Variants in ADK observed in about 807,000 individuals in gnomAD.
ADK encodes the protein N6,N6-dimethyladenosine kinase.
In ADK, 24 loss-of-function variants were observed where a neutral mutation model predicts 44.7. That is an observed-to-expected ratio of 0.54 (90% CI 0.39 to 0.76). ADK has a LOEUF of 0.76. Among genes scored for constraint, ADK ranks in the 30% least tolerant of loss-of-function variants. The pLI is 0.00. For synonymous variants in ADK, 128 were observed against 142.6 expected, an observed-to-expected ratio of 0.90 and a Z score of 0.73; for missense variants, 321 against 425.1, an observed-to-expected ratio of 0.76 and a Z score of 2.15.
intron 4 of ADK, among the ~76,000 whole-genome samples, chr10:74,347,930 A>G (rs1841832935): frequency 6.6e-6 from 1 of 152,146 alleles, no homozygotes; most frequent in South Asian, 2.1e-4. Context: ...GGGCTTATGG[A>G]TAAAACTCCC....
At chr10:74,596,784 C>T (rs1375911838) in intron 8 of ADK, among the ~76,000 whole-genome samples, 1 of 152,138 alleles carries the variant, frequency 6.6e-6, no homozygotes, top group Non-Finnish European at 1.5e-5. Flanking sequence ...TAGGCTCAAG[C>T]GATTCACCCG....
chr10:74,359,015 A>C (rs1410854844), intron 4 of ADK, among the ~76,000 whole-genome samples: 1 of 152,084 alleles, frequency 6.6e-6, no homozygotes, highest in Non-Finnish European at 1.5e-5. Flanking sequence ...AGCTCACTGT[A>C]ACCTTGACTC....
At chr10:74,622,427 TAAAAAAAA>T (rs906694874) in intron 9 of ADK, among the ~76,000 whole-genome samples, 1 of 149,122 alleles carries the variant, frequency 6.7e-6, no homozygotes, top group African/African-American at 2.5e-5. Flanking sequence ...CTTCTTTATT[TAAAAAAAA>T]AAATTAAGCT....
At chr10:74,579,177 T>G (rs908720258) in intron 7 of ADK, among the ~76,000 whole-genome samples, 1 of 150,664 alleles carries the variant, frequency 6.6e-6, no homozygotes, top group South Asian at 2.1e-4. Flanking sequence ...GAGGTTGCAG[T>G]GAGCTGAGAT....
At chr10:74,258,528 A>G (rs1845912377) in intron 3 of ADK, among the ~76,000 whole-genome samples, 1 of 152,158 alleles carries the variant, frequency 6.6e-6, no homozygotes, top group South Asian at 2.1e-4. Flanking sequence ...ATTATACACT[A>G]ATCAATTATA....
At chr10:74,605,190 C>A (rs1852274654) in intron 9 of ADK, among the ~76,000 whole-genome samples, 1 of 152,184 alleles carries the variant, frequency 6.6e-6, no homozygotes, top group South Asian at 2.1e-4. Context: ...CATCTGCAGA[C>A]AGAGACAATT....
chr10:74,479,174 T>C (rs1374027848), intron 6 of ADK, among the ~76,000 whole-genome samples: 1 of 151,914 alleles, frequency 6.6e-6, no homozygotes, highest in Non-Finnish European at 1.5e-5. Flanking sequence ...AGTTTTTGTA[T>C]TTTTTGTAAA....
At chr10:74,257,323 A>T in intron 3 of ADK, among the ~76,000 whole-genome samples, 1 of 152,196 alleles carries the variant, frequency 6.6e-6, no homozygotes, top group East Asian at 1.9e-4. Context: ...GAAAAATTTC[A>T]GCCTGTAGGT....
intron 7 of ADK, among the ~76,000 whole-genome samples, chr10:74,559,364 G>A (rs1281366601): frequency 6.6e-6 from 1 of 152,200 alleles, no homozygotes; most frequent in East Asian, 1.9e-4. Context: ...AAAATAGCTA[G>A]ATCTCTTTTC....
intron 9 of ADK, among the ~76,000 whole-genome samples, chr10:74,631,236 G>A (rs894255443): frequency 1.3e-5 from 2 of 149,320 alleles, no homozygotes; most frequent in African/African-American, 4.9e-5. Context: ...CTGTGTGCGT[G>A]TGTGTGTGTG....
At chr10:74,210,259 C>T (rs748384788) in intron 2 of ADK, among the ~76,000 whole-genome samples, 3 of 137,792 alleles carry the variant, frequency 2.2e-5, no homozygotes, top group East Asian at 2.2e-4. Context: ...AACCCAGGAG[C>T]GGAGGTTGCA....
chr10:74,492,736 A>G (rs1847532829), intron 6 of ADK, among the ~76,000 whole-genome samples: 2 of 152,048 alleles, frequency 1.3e-5, no homozygotes, highest in African/African-American at 2.4e-5. Context: ...TTATGATTAG[A>G]TTTAGGTTAT....
chr10:74,559,155 A>G (rs1850368312), intron 7 of ADK, among the ~76,000 whole-genome samples: 1 of 152,148 alleles, frequency 6.6e-6, no homozygotes, highest in South Asian at 2.1e-4. Context: ...TGCAGTTGCC[A>G]CCCTGCTGTG....
At chr10:74,474,515 C>T (rs561693956) in intron 6 of ADK, among the ~76,000 whole-genome samples, 66 of 150,154 alleles carry the variant, frequency 4.4e-4, no homozygotes, top group Non-Finnish European at 7.4e-4. Context: ...CCTTCCCTTC[C>T]CTTCCCTTTC....
intron 5 of ADK, among the ~76,000 whole-genome samples, chr10:74,396,106 T>C (rs148411353): frequency 6.6e-6 from 1 of 152,232 alleles, no homozygotes; most frequent in African/African-American, 2.4e-5. Context: ...TATAGTGATA[T>C]TGTTGAGATG....
intron 6 of ADK, among the ~76,000 whole-genome samples, chr10:74,433,842 A>G (rs920468764): frequency 6.6e-6 from 1 of 152,186 alleles, no homozygotes; most frequent in Non-Finnish European, 1.5e-5. Context: ...ACAGGGAATT[A>G]CTATGATCAA....
chr10:74,609,764 T>C (rs927424469), intron 9 of ADK, among the ~76,000 whole-genome samples: 1 of 152,224 alleles, frequency 6.6e-6, no homozygotes, highest in African/African-American at 2.4e-5. Flanking sequence ...TGTATCAAAA[T>C]GTTTCCTTGG....
intron 8 of ADK, among the ~76,000 whole-genome samples, chr10:74,589,637 T>C (rs933949421): frequency 6.6e-6 from 1 of 152,228 alleles, no homozygotes; most frequent in African/African-American, 2.4e-5. Flanking sequence ...GTTAAAAAGC[T>C]ACCTCATTAG....
At chr10:74,320,631 T>C (rs1336019360) in intron 4 of ADK, among the ~76,000 whole-genome samples, 2 of 152,188 alleles carry the variant, frequency 1.3e-5, no homozygotes, top group Non-Finnish European at 2.9e-5. Flanking sequence ...TCTGTGGTGA[T>C]TGTTTAGTGA....
Sources: gnomAD v4.1 joint callset for allele counts (sites outside exome capture counted in the v4.1 genomes callset) on GRCh38, gnomAD v4.1.1 for gene constraint, MANE v1.5 for transcripts, NCBI Gene and HGNC (gene_info 2026-07-23, HGNC 2026-07-21) for gene names.